Variants in CRLF1 observed in about 807,000 individuals in gnomAD.
CRLF1 encodes cytokine receptor-like factor 1.
Under a neutral mutation model 48.9 loss-of-function variants are expected in CRLF1, and 36 were observed. That is an observed-to-expected ratio of 0.74 (90% CI 0.56 to 0.97). The LOEUF (loss-of-function observed/expected upper bound fraction) is 0.97, where lower values mean the gene tolerates loss of function less well. Among genes scored for constraint, CRLF1 ranks in the 50% least tolerant of loss-of-function variants. CRLF1 has a pLI of 0.00. For synonymous variants in CRLF1, 256 were observed against 253.4 expected, an observed-to-expected ratio of 1.01 and a Z score of -0.10; for missense variants, 534 against 575.1, an observed-to-expected ratio of 0.93 and a Z score of 0.73.
chr19:18,595,286 G>A (rs1261554134), intron 6 of CRLF1, among the ~76,000 whole-genome samples: 2 of 152,200 alleles, frequency 1.3e-5, no homozygotes, highest in African/African-American at 4.8e-5. Flanking sequence ...CGCAGGTGCC[G>A]GGCACGAGCA....
At chr19:18,599,145 C>T (rs757195068) in intron 2 of CRLF1, 40 of 982,278 alleles carry the variant, frequency 4.1e-5, no homozygotes, top group Non-Finnish European at 4.7e-5. Context: ...TCGCTCTGTC[C>T]CCCAGGCTGG....
Position 18,596,763 on chromosome 19 carries a change from AGG to A in CRLF1, c.881_882del (p.Thr294IlefsTer35). On this transcript the variant is annotated frameshift_variant, in exon 6 of 9. Transcript: ENST00000392386. LOFTEE classifies it high-confidence loss of function. The part of the protein sequence containing the change: ...WKVVDDVSNQ[T>X]SCRLAGLKPG... ...GGTTTCAGGCCGGCCAGGCGGCAGG[AGG>A]TCTGGTTGCTCACATCGTCCACCAC... 6.2e-7 allele frequency: 1 copy of A among 1,613,804 alleles called. No individual in the cohort carries two copies. The highest frequency in any genetic ancestry group is 8.5e-7 in the Non-Finnish European group (1 of 1,179,968).
At position 18,597,009 on chromosome 19, in the gene CRLF1, G is replaced by C. The variant is rs748525943; in HGVS notation, c.738C>G (p.Val246=). ...DPPPDVHVSR[V]GGLEDQLSVR... ...CGCTCAGCTGGTCCTCCAGGCCCCC[G>C]ACGCGGCTCACGTGCACGTCGGGCG... Residue 246 remains valine (V), a synonymous_variant, in exon 5 of 9, where the codon GTC becomes GTG. Transcript: ENST00000392386. 20 of 1,613,490 alleles carry C rather than the reference G, an allele frequency of 1.2e-5. No homozygotes were observed. The highest frequency in any genetic ancestry group is 1.7e-5 in the Non-Finnish European group (20 of 1,179,944).
In CRLF1 at chr19:18,597,031, G is replaced by A; in HGVS notation, c.716C>T (p.Pro239Leu). The A allele has an allele frequency of 6.2e-7, 1 of 1,612,764 alleles. No individual in the cohort carries two copies. The highest frequency in any genetic ancestry group is 1.7e-5 in the Admixed American group (1 of 59,958). ...ILDVVTTDPPPDVHVSRVGGL... is the reference protein window; with the variant it reads ...ILDVVTTDPPLDVHVSRVGGL... Reference sequence around the variant, plus strand: ...CCCGACGCGGCTCACGTGCACGTCGGGCGGGGGGTCCGTGGTCACTGCGGG... The same window carrying A: ...CCCGACGCGGCTCACGTGCACGTCGAGCGGGGGGTCCGTGGTCACTGCGGG... The change falls in exon 5 of 9, where the codon CCC becomes CTC. Residue 239 changes from proline to leucine, a missense_variant. By Grantham distance (98) the Pro-to-Leu change is moderately conservative. Around this residue, in one of 2 missense-constraint regions of CRLF1, gnomAD observed 528 missense variants for 555.7 expected, o/e 0.95. Transcript: ENST00000392386.
intron 1 of CRLF1, among the ~76,000 whole-genome samples, chr19:18,604,651 C>T (rs1309184618): frequency 6.6e-6 from 1 of 152,078 alleles, no homozygotes; most frequent in African/African-American, 2.4e-5. Context: ...GCGCTGGGGA[C>T]AGAGATGCAC....
intron 2 of CRLF1, 119 bp downstream of exon 2, chr19:18,599,446 G>GCCAT (rs1976189093): frequency 7.1e-7 from 1 of 1,415,962 alleles, no homozygotes; most frequent in African/African-American, 1.4e-5. Flanking sequence ...GACCTGCATA[G>GCCAT]CCATGCCAGT....
intron 8 of CRLF1, 35 bp downstream of exon 8, chr19:18,594,030 G>GGGTGGGGA: frequency 7.6e-7 from 1 of 1,315,314 alleles, no homozygotes; most frequent in Non-Finnish European, 1.1e-6. Flanking sequence ...CCCTCCCCTT[G>GGGTGGGGA]CTCCCTCCCG....
chr19:18,594,524 T>G, intron 6 of CRLF1, 90 bp from the exon 7 acceptor site: 2 of 1,020,086 alleles, frequency 2.0e-6, no homozygotes, highest in East Asian at 3.6e-5. Flanking sequence ...GGCGGGACCA[T>G]GCTCCCCTCG....
chr19:18,601,634 C>T (rs1156893976), intron 1 of CRLF1, among the ~76,000 whole-genome samples: 1 of 152,002 alleles, frequency 6.6e-6, no homozygotes, highest in African/African-American at 2.4e-5. Flanking sequence ...GAACTCCTGA[C>T]ATCAAGTGAT....
intron 1 of CRLF1, among the ~76,000 whole-genome samples, chr19:18,602,883 G>C (rs1976238069): frequency 6.6e-6 from 1 of 151,404 alleles, no homozygotes; most frequent in Non-Finnish European, 1.5e-5. Flanking sequence ...GCTAATTTTT[G>C]TATTTTTAGG....
In CRLF1 at chr19:18,606,736, G is replaced by T; in HGVS notation, c.-80C>A. On this transcript the variant is annotated 5_prime_UTR_variant, in exon 1 of 9. Coordinates refer to ENST00000392386, the MANE Select transcript of CRLF1 (RefSeq NM_004750.5). This position sits in a 1 kb window ranked among gnomAD's most constrained non-coding sequence, Gnocchi z 4.8. ...AGGGCGCGGGACGCAGGCCGGGCGC[G>T]GGAGGGCGCGGGCCAGGCCGCCCGC... 1.2e-5 allele frequency: 2 copies of T among 162,500 alleles called. No homozygotes were observed. Among genetic ancestry groups the T allele is most frequent in the South Asian group, 3.8e-4 (2 of 5,218 alleles). 10.1% of individuals were successfully genotyped at this position (162,500 alleles called of 1,614,324 possible).
chr19:18,605,587 C>T (rs1365369811), intron 1 of CRLF1, among the ~76,000 whole-genome samples: 1 of 152,170 alleles, frequency 6.6e-6, no homozygotes, highest in Non-Finnish European at 1.5e-5. Context: ...CGCGATGGTG[C>T]GCGAATGTGC....
intron 1 of CRLF1, among the ~76,000 whole-genome samples, chr19:18,600,510 G>A (rs1351578768): frequency 1.3e-5 from 2 of 152,026 alleles, no homozygotes; most frequent in African/African-American, 2.4e-5. Context: ...CTAGGACTAC[G>A]CGCCCGCCAC....
Position 18,593,535 on chromosome 19 carries a change from TGG to T in CRLF1, c.*29_*30del. On this transcript the variant is annotated 3_prime_UTR_variant, in exon 9 of 9. Coordinates refer to ENST00000392386, the MANE Select transcript of CRLF1 (RefSeq NM_004750.5). ...TGGGTTCGGCCTCTGCGTCTCCACG[TGG>T]CAGGGAGGGTGGCCTGAGCCCCTAC... is the stretch of plus-strand genomic sequence containing the variant. The T allele has an allele frequency of 3.1e-6, 5 of 1,610,322 alleles. No homozygotes were observed. The highest frequency in any genetic ancestry group is 4.2e-6 in the Non-Finnish European group (5 of 1,178,824).
intron 1 of CRLF1, among the ~76,000 whole-genome samples, chr19:18,602,136 G>T (rs987774443): frequency 2.6e-5 from 4 of 152,234 alleles, no homozygotes; most frequent in African/African-American, 9.6e-5. Flanking sequence ...GCCCATGGGT[G>T]GTTGATGCCT....
In CRLF1 at chr19:18,598,756, T is replaced by C; in HGVS notation, c.527+16A>G. The C allele has an allele frequency of 6.2e-7, 1 of 1,614,078 alleles. No homozygotes were observed. The highest frequency in any genetic ancestry group is 8.5e-7 in the Non-Finnish European group (1 of 1,179,988). ...CCAGCCTGGGACACACACATCGCCCTCAGGCCACCACCAACCTAAGCTTGT... is the reference window on the plus strand; with the variant it reads ...CCAGCCTGGGACACACACATCGCCCCCAGGCCACCACCAACCTAAGCTTGT... On this transcript the variant is annotated intron_variant, in intron 3 of 8. Transcript: ENST00000392386.
intron 8 of CRLF1, 33 bp downstream of exon 8, chr19:18,594,032 T>TGGCG: frequency 1.6e-5 from 11 of 695,798 alleles, no homozygotes; most frequent in African/African-American, 2.1e-5. Context: ...CTCCCCTTGC[T>TGGCG]CCCTCCCGCC....
At chr19:18,594,039 C>A in intron 8 of CRLF1, 26 bp downstream of exon 8, 2 of 1,271,688 alleles carry the variant, frequency 1.6e-6, no homozygotes, top group Non-Finnish European at 2.2e-6. Flanking sequence ...TGCTCCCTCC[C>A]GCCCACCCAT....
rs1167866436 is a variant in CRLF1 at position 18,598,493 on chromosome 19, C to A, written c.636G>T (p.Glu212Asp). The change falls in exon 4 of 9, where the codon GAG becomes GAT. Residue 212 changes from glutamate to aspartate, a missense_variant. Glu to Asp is a conservative substitution (Grantham distance 45). Transcript: ENST00000392386. Reference sequence around the variant, plus strand: ...GGGCAGAGCCCAGGCGGTTGGTGGCCTCCACCCAGATCTCATAGGGCGTAA... The same window carrying A: ...GGGCAGAGCCCAGGCGGTTGGTGGCATCCACCCAGATCTCATAGGGCGTAA... ...ALFTPYEIWVEATNRLGSARS... is the reference protein window; with the variant it reads ...ALFTPYEIWVDATNRLGSARS... 1.2e-6 allele frequency: 2 copies of A among 1,614,024 alleles called. No homozygotes were observed. Among genetic ancestry groups the A allele is most frequent in the Non-Finnish European group, 1.7e-6 (2 of 1,180,012 alleles).
Sources: allele counts gnomAD v4.1 joint callset (sites outside exome capture counted in the v4.1 genomes callset), GRCh38; gene constraint gnomAD v4.1.1; regional missense constraint gnomAD v4.1.1; non-coding constraint Gnocchi (gnomAD v3.1); transcripts MANE v1.5; gene names NCBI Gene and HGNC (gene_info 2026-07-23, HGNC 2026-07-21).